Variants in MACROD2 observed in about 807,000 individuals in gnomAD.
MACROD2 encodes the protein mono-ADP ribosylhydrolase 2.
A neutral mutation model predicts 70.4 loss-of-function variants in MACROD2; 36 were observed. That is an observed-to-expected ratio of 0.51 (90% CI 0.39 to 0.68). MACROD2 has a LOEUF of 0.68. MACROD2 is among the 30% of genes least tolerant of loss of function. The probability of loss-of-function intolerance (pLI) is 0.00; values close to 1 mark genes in which losing one functional copy is unlikely to be tolerated. For missense variants in MACROD2, 496 were observed against 538.4 expected (o/e 0.92, Z 0.78); for synonymous variants, 172 against 178.8 (o/e 0.96, Z 0.30).
At chr20:14,557,247 T>A (rs1301067053) in intron 4 of MACROD2, among the ~76,000 whole-genome samples, 2 of 151,898 alleles carry the variant, frequency 1.3e-5, no homozygotes, top group Non-Finnish European at 2.9e-5. Flanking sequence ...TAGATCTAAG[T>A]GGAAGAACTA....
intron 3 of MACROD2, among the ~76,000 whole-genome samples, chr20:14,222,557 C>A (rs747599642): frequency 2.6e-5 from 4 of 151,710 alleles, no homozygotes; most frequent in Non-Finnish European, 4.4e-5. Context: ...TGATGGATAC[C>A]CTAAAAACCC....
intron 3 of MACROD2, among the ~76,000 whole-genome samples, chr20:14,234,587 C>G (rs1029016421): frequency 6.6e-6 from 1 of 152,124 alleles, no homozygotes; most frequent in Non-Finnish European, 1.5e-5. Context: ...CTTTTTCTAT[C>G]TTCTGTGCTA....
intron 9 of MACROD2, among the ~76,000 whole-genome samples, chr20:15,872,921 C>T (rs2064606521): frequency 6.6e-6 from 1 of 152,068 alleles, no homozygotes; most frequent in African/African-American, 2.4e-5. Context: ...AAATCATGAA[C>T]ATTTTTCACA....
At chr20:14,740,142 C>T (rs1445685860) in intron 5 of MACROD2, among the ~76,000 whole-genome samples, 1 of 151,990 alleles carries the variant, frequency 6.6e-6, no homozygotes, top group Non-Finnish European at 1.5e-5. Flanking sequence ...AACCAAAATT[C>T]CTCCGCTTAT....
chr20:14,029,310 T>C (rs1329145419), intron 2 of MACROD2, among the ~76,000 whole-genome samples: 1 of 152,190 alleles, frequency 6.6e-6, no homozygotes, highest in African/African-American at 2.4e-5. Context: ...AAAAAACGCA[T>C]CATAGAATTG....
chr20:14,426,185 A>G (rs912114509), intron 3 of MACROD2, among the ~76,000 whole-genome samples: 1 of 152,124 alleles, frequency 6.6e-6, no homozygotes, highest in Non-Finnish European at 1.5e-5. Flanking sequence ...TGGAATTTAT[A>G]CAATTTGATG....
intron 8 of MACROD2, among the ~76,000 whole-genome samples, chr20:15,850,711 C>T (rs970164499): frequency 2.0e-5 from 3 of 152,170 alleles, no homozygotes; most frequent in Non-Finnish European, 4.4e-5. Flanking sequence ...AGTCACTGCA[C>T]GGTTGCCCTC....
chr20:14,282,042 T>C (rs2082310827), intron 3 of MACROD2, among the ~76,000 whole-genome samples: 1 of 151,976 alleles, frequency 6.6e-6, no homozygotes, highest in Non-Finnish European at 1.5e-5. Flanking sequence ...AAAATATTAA[T>C]GAGTAGCATT....
chr20:15,326,573 A>G (rs1028563073), intron 6 of MACROD2, among the ~76,000 whole-genome samples: 1 of 152,178 alleles, frequency 6.6e-6, no homozygotes. Flanking sequence ...AGTAAATGGT[A>G]TATGCTTCTA....
chr20:15,167,656 A>C (rs905206583), intron 5 of MACROD2, among the ~76,000 whole-genome samples: 2 of 152,204 alleles, frequency 1.3e-5, no homozygotes, highest in Non-Finnish European at 2.9e-5. Flanking sequence ...CCCTTTAGGC[A>C]TGAAATGATT....
At position 15,582,162 on chromosome 20, in the gene MACROD2, G is replaced by T. The variant is rs74903694; in HGVS notation, c.645+82315G>T. 9.9e-5 allele frequency among the ~76,000 whole-genome samples: 15 copies of T among 152,140 alleles called. No individual in the cohort carries two copies. The East Asian group carries it at 2.5e-3, about 26-fold the overall frequency. Reference sequence around the variant, plus strand: ...TTCTGCCACTGCCAGGGTGGAGAAGGGAGACTGGAGGAGGCTCACGGGAGT... The same window carrying T: ...TTCTGCCACTGCCAGGGTGGAGAAGTGAGACTGGAGGAGGCTCACGGGAGT... On this transcript the variant is annotated intron_variant, in intron 8 of 17. Coordinates refer to ENST00000684519, the MANE Select transcript of MACROD2 (RefSeq NM_001351661.2).
chr20:16,004,301 A>G (rs116660776), intron 15 of MACROD2, among the ~76,000 whole-genome samples: 2,620 of 152,276 alleles, frequency 0.017, 67 homozygotes, highest in African/African-American at 0.06. Flanking sequence ...GATATGGACA[A>G]GGGAACACAG....
At chr20:14,702,794 C>G (rs960197982) in intron 5 of MACROD2, among the ~76,000 whole-genome samples, 3 of 150,370 alleles carry the variant, frequency 2.0e-5, no homozygotes, top group Non-Finnish European at 4.4e-5. Flanking sequence ...ATGTCATCAT[C>G]TCGGCTCACT....
chr20:15,255,101 T>C (rs2077188028), intron 6 of MACROD2, among the ~76,000 whole-genome samples: 1 of 152,042 alleles, frequency 6.6e-6, no homozygotes, highest in South Asian at 2.1e-4. Flanking sequence ...TTAATTTAGA[T>C]AGAACCCTCC....
chr20:14,623,789 G>A (rs981863548), intron 4 of MACROD2, among the ~76,000 whole-genome samples: 1 of 152,194 alleles, frequency 6.6e-6, no homozygotes, highest in Non-Finnish European at 1.5e-5. Flanking sequence ...AAATGGTGAT[G>A]AGCATAAGTC....
chr20:14,404,784 T>C (rs892622601), intron 3 of MACROD2, among the ~76,000 whole-genome samples: 5 of 151,852 alleles, frequency 3.3e-5, no homozygotes, highest in Non-Finnish European at 7.4e-5. Context: ...TAATATTATT[T>C]TAGGAAGAAA....
chr20:14,535,505 C>T (rs1340429347), intron 4 of MACROD2, among the ~76,000 whole-genome samples: 3 of 62,992 alleles, frequency 4.8e-5, no homozygotes, highest in East Asian at 1.1e-3. Flanking sequence ...AACTCCGTCT[C>T]AAAAAAAAAA....
At chr20:14,572,879 TTAAA>T (rs1980299019) in intron 4 of MACROD2, among the ~76,000 whole-genome samples, 1 of 150,380 alleles carries the variant, frequency 6.6e-6, no homozygotes, top group Non-Finnish European at 1.5e-5. Flanking sequence ...ATATTAAATA[TTAAA>T]TATTAAAGAT....
At chr20:14,061,911 C>G (rs2053695281) in intron 2 of MACROD2, among the ~76,000 whole-genome samples, 1 of 152,122 alleles carries the variant, frequency 6.6e-6, no homozygotes, top group Non-Finnish European at 1.5e-5. Context: ...GGTCCTCCAA[C>G]TTTAATGTGT....
Sources: allele counts gnomAD v4.1 joint callset (sites outside exome capture counted in the v4.1 genomes callset), GRCh38; gene constraint gnomAD v4.1.1; transcripts MANE v1.5; gene names NCBI Gene and HGNC (gene_info 2026-07-23, HGNC 2026-07-21).